Variants in PTPRO observed in about 807,000 individuals in gnomAD.
PTPRO encodes the protein receptor-type tyrosine-protein phosphatase O.
A neutral mutation model predicts 145.2 loss-of-function variants in PTPRO; 62 were observed. The ratio of observed to expected loss-of-function variants is 0.43; its 90% CI spans 0.35 to 0.53. The LOEUF is 0.53. Among genes scored for constraint, PTPRO ranks in the 20% least tolerant of loss-of-function variants. The pLI, the probability that PTPRO is intolerant of heterozygous loss-of-function variation, is 0.01. For missense variants in PTPRO, 1,345 were observed against 1,482.7 expected, an observed-to-expected ratio of 0.91 and a Z score of 1.53; for synonymous variants, 565 against 514.7, an observed-to-expected ratio of 1.10 and a Z score of -1.32.
chr12:15,371,608 TTGTA>T (rs1341559609), intron 1 of PTPRO, among the ~76,000 whole-genome samples: 2 of 152,166 alleles, frequency 1.3e-5, no homozygotes, highest in Non-Finnish European at 2.9e-5. Flanking sequence ...TGACATAATA[TTGTA>T]TGTGTGTGTG....
intron 7 of PTPRO, among the ~76,000 whole-genome samples, chr12:15,512,934 C>CA (rs1942471837): frequency 6.6e-6 from 1 of 151,606 alleles, no homozygotes; most frequent in Admixed American, 6.6e-5. Flanking sequence ...GCAGAGGTTG[C>CA]AGTGAGCCAA....
chr12:15,519,608 T>C (rs1373170247), intron 9 of PTPRO, among the ~76,000 whole-genome samples: 2 of 152,206 alleles, frequency 1.3e-5, no homozygotes, highest in Admixed American at 6.5e-5. Context: ...CCATAGTTAG[T>C]TGACACTGCC....
At chr12:15,446,029 T>A (rs1210034721) in intron 1 of PTPRO, among the ~76,000 whole-genome samples, 1 of 152,098 alleles carries the variant, frequency 6.6e-6, no homozygotes, top group Non-Finnish European at 1.5e-5. Context: ...AATATATGGA[T>A]TTTTTAAACA....
intron 1 of PTPRO, among the ~76,000 whole-genome samples, chr12:15,325,514 T>G (rs1443846453): frequency 2.6e-5 from 4 of 152,168 alleles, no homozygotes; most frequent in African/African-American, 9.7e-5. Context: ...GTTATGAAAA[T>G]TTTTATTTTT....
intron 1 of PTPRO, among the ~76,000 whole-genome samples, chr12:15,371,089 TAGTG>T (rs1276937579): frequency 1.3e-5 from 2 of 152,202 alleles, no homozygotes; most frequent in Non-Finnish European, 2.9e-5. Flanking sequence ...TTTTTCTAGT[TAGTG>T]AGTTAATGAT....
At chr12:15,516,507 AAG>A (rs1942595656) in intron 8 of PTPRO, among the ~76,000 whole-genome samples, 12 of 100,432 alleles carry the variant, frequency 1.2e-4, no homozygotes, top group South Asian at 1.1e-3. Flanking sequence ...AAAGAAAAGA[AAG>A]AAAGAAAGAA....
At chr12:15,324,667 A>C (rs1310131949) in intron 1 of PTPRO, among the ~76,000 whole-genome samples, 1 of 152,184 alleles carries the variant, frequency 6.6e-6, no homozygotes, top group Non-Finnish European at 1.5e-5. Flanking sequence ...TTTTATGTGA[A>C]TGTAATATTT....
chr12:15,388,596 A>C (rs1470473290), intron 1 of PTPRO, among the ~76,000 whole-genome samples: 2 of 152,226 alleles, frequency 1.3e-5, no homozygotes, highest in Non-Finnish European at 2.9e-5. Flanking sequence ...TTCAACATTA[A>C]GTGGTGATTA....
At chr12:15,383,563 G>C (rs1449369370) in intron 1 of PTPRO, among the ~76,000 whole-genome samples, 2 of 152,192 alleles carry the variant, frequency 1.3e-5, no homozygotes, top group East Asian at 3.8e-4. Context: ...ACAGCCTCGG[G>C]ACATCTTGAG....
rs758328287 is a variant in PTPRO at position 15,580,004 on chromosome 12, G to A, written c.2921-35G>A. 8 of 1,565,524 alleles carry A rather than the reference G, an allele frequency of 5.1e-6. No homozygotes were observed. In the East Asian group the frequency reaches 1.8e-4, roughly 35 times the overall value. On this transcript the variant is annotated intron_variant, in intron 20 of 26. Transcript: ENST00000281171. ...CCAAAATAATTTTTCCTTCCATCTT[G>A]AATTTTAATATTTTTTTCTCCTTAT...
chr12:15,408,798 C>T (rs1415017085), intron 1 of PTPRO, among the ~76,000 whole-genome samples: 1 of 152,030 alleles, frequency 6.6e-6, no homozygotes, highest in Non-Finnish European at 1.5e-5. Context: ...GTCTTATTTC[C>T]CATTTTAAAA....
chr12:15,574,593 T>G (rs1665851034), intron 19 of PTPRO, among the ~76,000 whole-genome samples: 1 of 152,226 alleles, frequency 6.6e-6, no homozygotes. Flanking sequence ...GAACCTCTTC[T>G]GTCAACACCA....
intron 1 of PTPRO, among the ~76,000 whole-genome samples, chr12:15,362,763 TAAATA>T (rs1223547381): frequency 2.0e-5 from 3 of 151,968 alleles, no homozygotes; most frequent in African/African-American, 4.8e-5. Flanking sequence ...AGCTCCAAAA[TAAATA>T]AAATAAAATA....
At position 15,326,625 on chromosome 12, in the gene PTPRO, C is replaced by T. The variant is rs112699842; in HGVS notation, c.75+3824C>T. 9.9e-5 allele frequency among the ~76,000 whole-genome samples: 15 copies of T among 152,198 alleles called. 1 individual carries two copies. Among genetic ancestry groups the T allele is most frequent in the Non-Finnish European group, 1.3e-4 (9 of 68,016 alleles). ...AATATCCAACTTAAAGGTATTTAAA[C>T]GTATAAGCAGATTTACTCCTGAACC... On this transcript the variant is annotated intron_variant, in intron 1 of 26. Coordinates refer to ENST00000281171, the MANE Select transcript of PTPRO (RefSeq NM_030667.3).
intron 12 of PTPRO, among the ~76,000 whole-genome samples, chr12:15,531,359 A>C (rs893127028): frequency 6.6e-6 from 1 of 152,204 alleles, no homozygotes; most frequent in Non-Finnish European, 1.5e-5. Context: ...TCATTCTGTA[A>C]GATAATATGC....
At chr12:15,474,709 G>A (rs1238237141) in intron 1 of PTPRO, among the ~76,000 whole-genome samples, 2 of 152,094 alleles carry the variant, frequency 1.3e-5, no homozygotes, top group Non-Finnish European at 2.9e-5. Flanking sequence ...AAATAAATCA[G>A]CATTGGACTT....
rs35302259 is a variant in PTPRO, at chr12:15,420,148, GAAAAAA to G, written c.76-63808_76-63803del. Among the ~76,000 whole-genome samples the G allele has an allele frequency of 1.1e-4, 9 of 81,706 alleles. No individual in the cohort carries two copies. The South Asian group carries it at 3.4e-3, about 31-fold the overall frequency. The allele number at this position is 81,706 out of a possible 152,430, so 53.6% of individuals were successfully genotyped here. On this transcript the variant is annotated intron_variant, in intron 1 of 26. Coordinates refer to ENST00000281171, the MANE Select transcript of PTPRO (RefSeq NM_030667.3). ...GGCGAAAGAGCGAGACTCCGACTCA[GAAAAAA>G]AAAAAAAAAAAAAAAAAGAGTGTCC...
intron 1 of PTPRO, among the ~76,000 whole-genome samples, chr12:15,409,257 GA>G (rs1444601593): frequency 6.6e-6 from 1 of 152,090 alleles, no homozygotes; most frequent in Admixed American, 6.6e-5. Flanking sequence ...GCAACTTTGA[GA>G]TACCTGACAA....
At chr12:15,350,250 C>G (rs770097501) in intron 1 of PTPRO, among the ~76,000 whole-genome samples, 3 of 152,198 alleles carry the variant, frequency 2.0e-5, no homozygotes, top group Non-Finnish European at 2.9e-5. Context: ...GACTACCAGA[C>G]TGGGGGTGCT....
Sources: gnomAD v4.1 joint callset for allele counts (sites outside exome capture counted in the v4.1 genomes callset) on GRCh38, gnomAD v4.1.1 for gene constraint, MANE v1.5 for transcripts, NCBI Gene and HGNC (gene_info 2026-07-23, HGNC 2026-07-21) for gene names.